ACAP2: variants seen among roughly 807,000 people sequenced by gnomAD.
The protein encoded by ACAP2 is arf-GAP with coiled-coil, ANK repeat and PH domain-containing protein 2.
Under a neutral mutation model 115.8 loss-of-function variants are expected in ACAP2, and 39 were observed. The observed-to-expected ratio is 0.34, with a 90% CI of 0.26 to 0.44. The LOEUF is 0.44. ACAP2 is among the 20% of genes least tolerant of loss of function. The pLI, the probability that ACAP2 is intolerant of heterozygous loss-of-function variation, is 1.00. For missense variants in ACAP2, 662 were observed against 927.6 expected, an observed-to-expected ratio of 0.71 and a Z score of 3.72; for synonymous variants, 289 against 315.8, an observed-to-expected ratio of 0.92 and a Z score of 0.90.
chr3:195,434,859 T>G (rs576352297), intron 1 of ACAP2, among the ~76,000 whole-genome samples: 116 of 152,324 alleles, frequency 7.6e-4, no homozygotes, highest in African/African-American at 2.6e-3. Flanking sequence ...TCTAAGTTAA[T>G]GTCATCAATT....
intron 4 of ACAP2, among the ~76,000 whole-genome samples, chr3:195,366,742 GAGA>G (rs1382588023): frequency 2.6e-5 from 4 of 152,152 alleles, no homozygotes; most frequent in Admixed American, 6.5e-5. Context: ...CCATTTTACT[GAGA>G]AGAATTCATG....
At chr3:195,345,717 G>T (rs556011416) in intron 4 of ACAP2, among the ~76,000 whole-genome samples, 2 of 152,216 alleles carry the variant, frequency 1.3e-5, no homozygotes, top group South Asian at 4.1e-4. Flanking sequence ...CTCCAGAAAC[G>T]CCATATACCT....
At chr3:195,349,014 T>A (rs575426311) in intron 4 of ACAP2, among the ~76,000 whole-genome samples, 1 of 152,252 alleles carries the variant, frequency 6.6e-6, no homozygotes, top group South Asian at 2.1e-4. Flanking sequence ...AATATAAAAT[T>A]GTCTTTATCC....
chr3:195,364,672 T>C (rs1442591320), intron 4 of ACAP2, among the ~76,000 whole-genome samples: 1 of 152,200 alleles, frequency 6.6e-6, no homozygotes. Context: ...TTGTACACTG[T>C]TGGTGGGAAT....
intron 6 of ACAP2, among the ~76,000 whole-genome samples, chr3:195,339,098 G>T (rs1577324298): frequency 6.6e-6 from 1 of 152,110 alleles, no homozygotes; most frequent in Non-Finnish European, 1.5e-5. Context: ...AGGCATGGTG[G>T]TGGGCGCCTG....
At chr3:195,308,150 G>C (rs1050605028) in intron 11 of ACAP2, among the ~76,000 whole-genome samples, 3 of 152,034 alleles carry the variant, frequency 2.0e-5, no homozygotes, top group African/African-American at 4.8e-5. Context: ...ACAAATTTAA[G>C]GGGTTCTATT....
chr3:195,408,218 T>A (rs1712951374), intron 1 of ACAP2, among the ~76,000 whole-genome samples: 1 of 152,116 alleles, frequency 6.6e-6, no homozygotes, highest in Non-Finnish European at 1.5e-5. Context: ...TCCCAGCACT[T>A]TGGGAGCCCA....
At chr3:195,414,193 T>C (rs1713525188) in intron 1 of ACAP2, among the ~76,000 whole-genome samples, 1 of 152,252 alleles carries the variant, frequency 6.6e-6, no homozygotes, top group East Asian at 1.9e-4. Context: ...CAAAAGGAAC[T>C]CTCATTCTTT....
chr3:195,323,519 G>C (rs564525236), intron 9 of ACAP2, among the ~76,000 whole-genome samples: 1 of 152,178 alleles, frequency 6.6e-6, no homozygotes, highest in South Asian at 2.1e-4. Flanking sequence ...AGCCATTAAA[G>C]AAAACTTAAA....
chr3:195,361,123 G>C (rs530482070), intron 4 of ACAP2, among the ~76,000 whole-genome samples: 70 of 152,244 alleles, frequency 4.6e-4, no homozygotes, highest in African/African-American at 1.7e-3. Context: ...AATGACCAGT[G>C]GGTGAATGAA....
intron 4 of ACAP2, among the ~76,000 whole-genome samples, chr3:195,368,202 C>T (rs189116014): frequency 1.3e-5 from 2 of 152,120 alleles, no homozygotes; most frequent in Non-Finnish European, 1.5e-5. Context: ...CAGACTGGAG[C>T]GCAGTGGCTC....
rs192977392 is a variant in ACAP2, at chr3:195,356,139, C to T, written c.286-10822G>A. On this transcript the variant is annotated intron_variant, in intron 4 of 22. Transcript: ENST00000326793. ...TTGAATTGCTGACCCCAGCCCTCCCCCATGCGCTCGTAGCAACCACAGGGC... is the reference window on the plus strand; with the variant it reads ...TTGAATTGCTGACCCCAGCCCTCCCTCATGCGCTCGTAGCAACCACAGGGC... 96 of 456,744 alleles carry T rather than the reference C, an allele frequency of 2.1e-4. No homozygotes were observed. The East Asian group carries it at 4.9e-3, about 23-fold the overall frequency. The allele number at this position is 456,744 out of a possible 1,614,324, so 28.3% of individuals were successfully genotyped here.
At position 195,291,009 on chromosome 3, in the gene ACAP2, G is replaced by T. The variant is rs73206675; in HGVS notation, c.2063+697C>A. Among the ~76,000 whole-genome samples, 785 of 152,200 alleles carry T rather than the reference G, an allele frequency of 5.2e-3. 8 individuals are homozygous for T. Among genetic ancestry groups the T allele is most frequent in the South Asian group, 0.018 (88 of 4,830 alleles). ...TGCCTAGGCAACAGGGCGAGACCCTGTCTCTAAATAAATGAAGATGCTATT... is the reference window on the plus strand; with the variant it reads ...TGCCTAGGCAACAGGGCGAGACCCTTTCTCTAAATAAATGAAGATGCTATT... On this transcript the variant is annotated intron_variant, in intron 20 of 22. Coordinates refer to ENST00000326793, the MANE Select transcript of ACAP2 (RefSeq NM_012287.6).
In ACAP2 at chr3:195,295,688, A is replaced by G. The variant is rs760710039; in HGVS notation, c.1672+20T>C. On this transcript the variant is annotated intron_variant, in intron 17 of 22. Transcript: ENST00000326793. ...AGCTTAAGAAAATAGCTATAGACACAGTAAGAAAGTTTGCCATACCTGAAC... is the reference window on the plus strand; with the variant it reads ...AGCTTAAGAAAATAGCTATAGACACGGTAAGAAAGTTTGCCATACCTGAAC... 1.2e-5 allele frequency: 20 copies of G among 1,613,786 alleles called. No homozygotes were observed. Among genetic ancestry groups the G allele is most frequent in the Non-Finnish European group, 1.6e-5 (19 of 1,179,720 alleles).
Position 195,404,594 on chromosome 3 carries a change from T to C in ACAP2, c.54-12447A>G, listed in dbSNP as rs113382431. Among the ~76,000 whole-genome samples, 34 of 151,904 alleles carry C rather than the reference T, an allele frequency of 2.2e-4. 1 individual carries two copies. The highest frequency in any genetic ancestry group is 8.0e-4 in the African/African-American group (33 of 41,460). On this transcript the variant is annotated intron_variant, in intron 1 of 22. Transcript: ENST00000326793. ...ATTCCGCGAAGCTAAATGTAATTCA[T>C]TGGATGAAAAAGAAATCTTCATTTT... is the stretch of plus-strand genomic sequence containing the variant.
chr3:195,304,873 C>T (rs1269145867), intron 13 of ACAP2, among the ~76,000 whole-genome samples: 1 of 152,198 alleles, frequency 6.6e-6, no homozygotes, highest in Non-Finnish European at 1.5e-5. Flanking sequence ...GTTTTTAGTG[C>T]CTAACACTTA....
chr3:195,314,322 A>G (rs942907005), intron 10 of ACAP2, among the ~76,000 whole-genome samples: 2 of 150,568 alleles, frequency 1.3e-5, no homozygotes, highest in African/African-American at 2.4e-5. Context: ...GCTGGAGTGC[A>G]GTGGTAAAAT....
chr3:195,285,745 G>A (rs779750471), intron 22 of ACAP2, 51 bp downstream of exon 22: 7 of 1,384,780 alleles, frequency 5.1e-6, no homozygotes, highest in Non-Finnish European at 5.1e-6. Flanking sequence ...ATAAATTCCT[G>A]AATGCATTTC....
chr3:195,287,479 C>T (rs532486025), intron 21 of ACAP2, among the ~76,000 whole-genome samples: 3 of 152,066 alleles, frequency 2.0e-5, no homozygotes, highest in Non-Finnish European at 4.4e-5. Flanking sequence ...CCACCACACC[C>T]GGCTAATTTT....
Sources: allele counts gnomAD v4.1 joint callset (sites outside exome capture counted in the v4.1 genomes callset), GRCh38; gene constraint gnomAD v4.1.1; transcripts MANE v1.5; gene names NCBI Gene and HGNC (gene_info 2026-07-23, HGNC 2026-07-21).